ZFC3H1: variants seen among roughly 807,000 people sequenced by gnomAD.
The protein encoded by ZFC3H1 is zinc finger C3H1-type containing, also known as zinc finger C3H1 domain-containing protein.
Under a neutral mutation model 243.7 loss-of-function variants are expected in ZFC3H1, and 71 were observed. That is an observed-to-expected ratio of 0.29 (90% confidence interval 0.24 to 0.36). The LOEUF (loss-of-function observed/expected upper bound fraction) is 0.36, where lower values mean the gene tolerates loss of function less well. Among genes scored for constraint, ZFC3H1 ranks in the 10% least tolerant of loss-of-function variants. The pLI is 1.00. For missense variants in ZFC3H1, 1,966 were observed against 2,317.1 expected (o/e 0.85, Z 3.11); for synonymous variants, 838 against 813.0 (o/e 1.03, Z -0.52).
chr12:71,663,500 C>G lies in ZFC3H1; in HGVS notation c.111G>C (p.Arg37=). Residue 37 remains arginine (R), a synonymous_variant, in exon 1 of 35, where the codon CGG becomes CGC. Transcript: ENST00000378743. ...CGCTGCTGCTGCTGCTGCTCCGACTCCGTATCTGGCTGTTATTATCGTCGT... is the reference window on the plus strand; with the variant it reads ...CGCTGCTGCTGCTGCTGCTCCGACTGCGTATCTGGCTGTTATTATCGTCGT... The part of the protein sequence containing the change: ...ISDDDNNSQI[R]SRSSSSSSGG... 6.2e-7 allele frequency: 1 copy of G among 1,613,546 alleles called. No individual in the cohort carries two copies. The highest frequency in any genetic ancestry group is 1.1e-5 in the South Asian group (1 of 91,088).
chr12:71,612,308 C>T (rs1353121655), intron 31 of ZFC3H1, among the ~76,000 whole-genome samples: 1 of 151,794 alleles, frequency 6.6e-6, no homozygotes, highest in Non-Finnish European at 1.5e-5. Context: ...GTTCTTTATT[C>T]TCCTGGAAAA....
At position 71,659,254 on chromosome 12, in the gene ZFC3H1, T is replaced by C. The variant is rs1333063398; in HGVS notation, c.599-1953A>G. Among the ~76,000 whole-genome samples, 5 of 152,200 alleles carry C rather than the reference T, an allele frequency of 3.3e-5. No individual in the cohort carries two copies. In the East Asian group the frequency reaches 9.6e-4, roughly 29 times the overall value. On this transcript the variant is annotated intron_variant, in intron 1 of 34. Transcript: ENST00000378743. ...ATCCTTCATACTGCTGCTGCCAGAGTAATCTTTCTAGAATACAAATATAAG... is the reference window on the plus strand; with the variant it reads ...ATCCTTCATACTGCTGCTGCCAGAGCAATCTTTCTAGAATACAAATATAAG...
At position 71,632,081 on chromosome 12, in the gene ZFC3H1, A is replaced by G; in HGVS notation, c.3251T>C (p.Leu1084Pro). 1 of 1,610,882 alleles carries G rather than the reference A, an allele frequency of 6.2e-7. No homozygotes were observed. Among genetic ancestry groups the G allele is most frequent in the South Asian group, 1.1e-5 (1 of 90,610 alleles). Residue 1084 changes from leucine to proline, a missense_variant, in exon 15 of 35, where the codon CTA (leucine) becomes CCA (proline). Coordinates refer to ENST00000378743, the MANE Select transcript of ZFC3H1 (RefSeq NM_144982.5). ...TTGCAATTCACCAATTTTTAACCCT[A>G]GAAAAAGTTCTGGTTTTTCTACAGT... ...KNTVEKPELF[L>P]GLKIGELQKL...
Position 71,630,647 on chromosome 12 carries a change from A to G in ZFC3H1, c.3677T>C (p.Ile1226Thr), listed in dbSNP as rs1313498130. The G allele has an allele frequency of 1.9e-6, 3 of 1,613,582 alleles. No homozygotes were observed. Among genetic ancestry groups the G allele is most frequent in the African/African-American group, 2.7e-5 (2 of 74,900 alleles). The change falls in exon 18 of 35, where the codon ATT (isoleucine) becomes ACT (threonine). Residue 1226 changes from isoleucine to threonine, a missense_variant. Ile to Thr is a moderately conservative substitution (Grantham distance 89). Coordinates refer to ENST00000378743, the MANE Select transcript of ZFC3H1 (RefSeq NM_144982.5). ...ATTAGTACTTGTCTCTGCACAACCAATCAAAGACAGATTATATGACAGAAT... is the reference window on the plus strand; with the variant it reads ...ATTAGTACTTGTCTCTGCACAACCAGTCAAAGACAGATTATATGACAGAAT... ...QDILSYNLSL[I>T]GCAETSTNEE...
At position 71,663,022 on chromosome 12, in the gene ZFC3H1, G is replaced by A. The variant is rs1329931720; in HGVS notation, c.589C>T (p.Arg197Trp). The A allele has an allele frequency of 1.2e-6, 2 of 1,603,186 alleles. No individual in the cohort carries two copies. Among genetic ancestry groups the A allele is most frequent in the South Asian group, 1.1e-5 (1 of 90,818 alleles). The change falls in exon 1 of 35, where the codon CGG becomes TGG. Residue 197 changes from arginine (R) to tryptophan (W), a missense_variant. Transcript: ENST00000378743. ...GCCACGTTAAGGATACAGCTCTTCC[G>A]AGGTGGAGAGGGCTCTCGCCAGCTC... ...SQSWREPSPPRKSSKSFGRSP... is the reference protein window; with the variant it reads ...SQSWREPSPPWKSSKSFGRSP...
At position 71,629,589 on chromosome 12, in the gene ZFC3H1, A is replaced by ACACACACG; in HGVS notation, c.3826+19_3826+20insCGTGTGTG. The ACACACACG allele has an allele frequency of 6.7e-7, 1 of 1,483,632 alleles. No homozygotes were observed. Among genetic ancestry groups the ACACACACG allele is most frequent in the Non-Finnish European group, 9.4e-7 (1 of 1,065,956 alleles). 91.9% of individuals were successfully genotyped at this position (1,483,632 alleles called of 1,614,324 possible). On this transcript the variant is annotated intron_variant, in intron 19 of 34. Coordinates refer to ENST00000378743, the MANE Select transcript of ZFC3H1 (RefSeq NM_144982.5). ...CACACACACACACACACACACACAC[A>ACACACACG]CACTTATATATGTACTTACTATGAC... is the stretch of plus-strand genomic sequence containing the variant.
At position 71,644,310 on chromosome 12, in the gene ZFC3H1, CTTG is replaced by C; in HGVS notation, c.1285_1287del (p.Gln429del). 6.2e-7 allele frequency: 1 copy of C among 1,611,590 alleles called. No individual in the cohort carries two copies. Among genetic ancestry groups the C allele is most frequent in the Non-Finnish European group, 8.5e-7 (1 of 1,179,590 alleles). On this transcript the variant is annotated inframe_deletion, in exon 5 of 35. Coordinates refer to ENST00000378743, the MANE Select transcript of ZFC3H1 (RefSeq NM_144982.5). ...GCCTTTGTTTGCTGCTTCCTCAATG[CTTG>C]TTTAGCTTTAAATAAAAAACACATA... is the stretch of plus-strand genomic sequence containing the variant.
chr12:71,634,866 C>G (rs770308588), intron 10 of ZFC3H1, 41 bp from the exon 11 acceptor site: 1 of 1,561,392 alleles, frequency 6.4e-7, no homozygotes, highest in Admixed American at 2.1e-5. Context: ...AGATCATCAG[C>G]TTTCCAAAAT....
In ZFC3H1 at chr12:71,617,925, G is replaced by A. The variant is rs114605523; in HGVS notation, c.5144+1390C>T. 1.8e-3 allele frequency among the ~76,000 whole-genome samples: 280 copies of A among 152,148 alleles called. 1 individual carries two copies. Among genetic ancestry groups the A allele is most frequent in the African/African-American group, 6.3e-3 (260 of 41,492 alleles). ...ATATATAAAGACTCAAGTCTGGGAG[G>A]GAATAGTGTCCCCAAATCTTAAATA... On this transcript the variant is annotated intron_variant, in intron 27 of 34. Transcript: ENST00000378743.
In ZFC3H1 at chr12:71,631,755, C is replaced by T. The variant is rs750592124; in HGVS notation, c.3470+23G>A. On this transcript the variant is annotated intron_variant, in intron 16 of 34. Coordinates refer to ENST00000378743, the MANE Select transcript of ZFC3H1 (RefSeq NM_144982.5). ...CCAAACAGAAATCCTGAAATTCAAG[C>T]TTATTGAATCTTTCTTTTATACCTG... The T allele has an allele frequency of 3.3e-6, 5 of 1,531,438 alleles. No individual in the cohort carries two copies. In the Admixed American group the frequency reaches 6.6e-5, roughly 20 times the overall value. 94.9% of individuals were successfully genotyped at this position (1,531,438 alleles called of 1,614,324 possible). A position where few individuals can be genotyped will look rare whatever the true frequency, so the allele number is the denominator to read the frequency against.
At chr12:71,619,749 T>C (rs1879978810) in intron 26 of ZFC3H1, among the ~76,000 whole-genome samples, 177 bp downstream of exon 26, 1 of 152,142 alleles carries the variant, frequency 6.6e-6, no homozygotes, top group Admixed American at 6.5e-5. Context: ...ATAGTATATA[T>C]TAAAGCAGCT....
chr12:71,649,253 A>G (rs1332345567), intron 2 of ZFC3H1, among the ~76,000 whole-genome samples: 3 of 152,322 alleles, frequency 2.0e-5, no homozygotes, highest in Non-Finnish European at 2.9e-5. Flanking sequence ...ATATACTTCA[A>G]ACATCTATCA....
intron 24 of ZFC3H1, among the ~76,000 whole-genome samples, chr12:71,620,570 G>C (rs1592585457): frequency 1.3e-5 from 2 of 152,096 alleles, no homozygotes; most frequent in Admixed American, 1.3e-4. Context: ...ATGAGCTTTT[G>C]CATCTATCAG....
At chr12:71,616,771 A>T (rs952086999) in intron 27 of ZFC3H1, among the ~76,000 whole-genome samples, 1 of 152,172 alleles carries the variant, frequency 6.6e-6, no homozygotes, top group Non-Finnish European at 1.5e-5. Context: ...CAAACACAAG[A>T]AAGAGAAGAA....
intron 33 of ZFC3H1, 87 bp downstream of exon 33, chr12:71,610,971 G>A (rs1879752889): frequency 3.2e-6 from 5 of 1,548,712 alleles, no homozygotes; most frequent in Non-Finnish European, 4.4e-6. Flanking sequence ...TAACTTCTGT[G>A]CTTTAATTCT....
chr12:71,639,773 G>T (rs1193782325), intron 6 of ZFC3H1, among the ~76,000 whole-genome samples: 1 of 152,170 alleles, frequency 6.6e-6, no homozygotes, highest in Non-Finnish European at 1.5e-5. Context: ...CTAGTGGTAG[G>T]AAAGATGAAG....
chr12:71,644,867 A>G lies in ZFC3H1; in HGVS notation c.1279+10T>C. 1 of 1,589,734 alleles carries G rather than the reference A, an allele frequency of 6.3e-7. No individual in the cohort carries two copies. ...AAACAAAAACACAAGAATTTAATAA[A>G]AATGATCACCTGTAGTGCTAACTTT... is the stretch of plus-strand genomic sequence containing the variant. On this transcript the variant is annotated intron_variant, in intron 4 of 34. Coordinates refer to ENST00000378743, the MANE Select transcript of ZFC3H1 (RefSeq NM_144982.5).
intron 21 of ZFC3H1, among the ~76,000 whole-genome samples, chr12:71,627,261 C>T (rs1218913170): frequency 2.6e-5 from 4 of 152,008 alleles, no homozygotes; most frequent in Admixed American, 1.3e-4. Context: ...AAGTTATTAC[C>T]ATTTACCTTA....
At chr12:71,654,498 G>C (rs1247182069) in intron 2 of ZFC3H1, among the ~76,000 whole-genome samples, 3 of 152,086 alleles carry the variant, frequency 2.0e-5, no homozygotes, top group Non-Finnish European at 4.4e-5. Flanking sequence ...ATGATACAAA[G>C]AGTGAGCCAA....
Sources: gnomAD v4.1 joint callset for allele counts (sites outside exome capture counted in the v4.1 genomes callset) on GRCh38, gnomAD v4.1.1 for gene constraint, MANE v1.5 for transcripts, NCBI Gene and HGNC (gene_info 2026-07-23, HGNC 2026-07-21) for gene names.